The following SLC44A1 variants were observed in gnomAD, a reference collection of about 807,000 sequenced individuals.
The protein encoded by SLC44A1 is choline transporter-like protein 1.
In SLC44A1, 26 loss-of-function variants were observed where a neutral mutation model predicts 79.3. The ratio of observed to expected loss-of-function variants is 0.33; its 90% CI spans 0.24 to 0.46. The LOEUF (loss-of-function observed/expected upper bound fraction) is 0.46, where lower values mean the gene tolerates loss of function less well. SLC44A1 is among the 20% of genes least tolerant of loss of function. The probability of loss-of-function intolerance (pLI) is 1.00; values close to 1 mark genes in which losing one functional copy is unlikely to be tolerated. For synonymous variants in SLC44A1, 263 were observed against 286.2 expected (o/e 0.92, Z 0.82); for missense variants, 688 against 798.1 (o/e 0.86, Z 1.66).
intron 1 of SLC44A1, among the ~76,000 whole-genome samples, chr9:105,288,355 G>GT (rs1422339596): frequency 1.3e-5 from 2 of 151,612 alleles, no homozygotes; most frequent in Admixed American, 6.6e-5. Flanking sequence ...TTGTTTGTTT[G>GT]TTTTTTGTTT....
intron 15 of SLC44A1, among the ~76,000 whole-genome samples, chr9:105,416,204 CT>C (rs1829168665): frequency 6.6e-6 from 1 of 151,362 alleles, no homozygotes; most frequent in Admixed American, 6.6e-5. Flanking sequence ...GCCTACTGAA[CT>C]TTTTGACTAG....
intron 1 of SLC44A1, among the ~76,000 whole-genome samples, chr9:105,253,991 G>A (rs1829647221): frequency 6.6e-6 from 1 of 152,120 alleles, no homozygotes; most frequent in South Asian, 2.1e-4. Context: ...AAAGTGCTGG[G>A]ATTATAGGCG....
At chr9:105,246,734 A>G (rs1359620678) in intron 1 of SLC44A1, among the ~76,000 whole-genome samples, 3 of 152,188 alleles carry the variant, frequency 2.0e-5, no homozygotes. Context: ...TTAAGACAGA[A>G]AAGTATTGAT....
chr9:105,304,303 G>T (rs1830959230), intron 2 of SLC44A1, among the ~76,000 whole-genome samples: 1 of 152,134 alleles, frequency 6.6e-6, no homozygotes, highest in Admixed American at 6.5e-5. Flanking sequence ...GCTGTTCTTT[G>T]CTGGGATCAC....
chr9:105,375,863 C>T (rs1005498939), intron 13 of SLC44A1, among the ~76,000 whole-genome samples: 2 of 152,148 alleles, frequency 1.3e-5, no homozygotes, highest in Admixed American at 6.5e-5. Flanking sequence ...ACTACCACCA[C>T]TATAACTAAA....
At chr9:105,275,775 C>G (rs1269418283) in intron 1 of SLC44A1, among the ~76,000 whole-genome samples, 1 of 151,512 alleles carries the variant, frequency 6.6e-6, no homozygotes, top group African/African-American at 2.4e-5. Context: ...TTGGTGTGTT[C>G]AGATGTCTTG....
intron 15 of SLC44A1, among the ~76,000 whole-genome samples, chr9:105,406,236 TAC>T (rs776567799): frequency 2.6e-5 from 4 of 151,800 alleles, no homozygotes; most frequent in Non-Finnish European, 5.9e-5. Flanking sequence ...CACCAAAGAA[TAC>T]AGTCTCTACA....
chr9:105,334,441 T>G (rs965405207), intron 3 of SLC44A1, among the ~76,000 whole-genome samples: 1 of 152,190 alleles, frequency 6.6e-6, no homozygotes, highest in Non-Finnish European at 1.5e-5. Context: ...CTTTTCAGTT[T>G]GTTCTCCTAA....
In SLC44A1 at chr9:105,389,876, C is replaced by T. The variant is rs1238150991; in HGVS notation, c.*820C>T. ...AGCTGGGGCACCCAGCGAGTTTAGC[C>T]TTTAAGTTTCTGTGTATTGATTTGC... On this transcript the variant is annotated 3_prime_UTR_variant, in exon 16 of 16. Coordinates refer to ENST00000374720, the MANE Select transcript of SLC44A1 (RefSeq NM_080546.5). 3.3e-6 allele frequency: 5 copies of T among 1,504,564 alleles called. No individual in the cohort carries two copies. Among genetic ancestry groups the T allele is most frequent in the African/African-American group, 1.4e-5 (1 of 71,308 alleles). The allele number at this position is 1,504,564 out of a possible 1,614,324, so 93.2% of individuals were successfully genotyped here.
At chr9:105,289,706 A>G (rs1317275589) in intron 1 of SLC44A1, among the ~76,000 whole-genome samples, 6 of 152,232 alleles carry the variant, frequency 3.9e-5, no homozygotes, top group Non-Finnish European at 8.8e-5. Context: ...GATTTAGAAC[A>G]TAAATTTACC....
intron 1 of SLC44A1, among the ~76,000 whole-genome samples, chr9:105,249,656 C>G (rs1302311259): frequency 1.3e-5 from 2 of 150,980 alleles, no homozygotes; most frequent in African/African-American, 4.9e-5. Flanking sequence ...TCTCAAGTAG[C>G]TGGGATTACA....
chr9:105,422,422 G>A (rs563436973), intron 15 of SLC44A1, among the ~76,000 whole-genome samples: 25 of 151,492 alleles, frequency 1.7e-4, no homozygotes, highest in South Asian at 6.3e-4. Context: ...CTGAGTAGCT[G>A]GAACTACAGG....
intron 3 of SLC44A1, among the ~76,000 whole-genome samples, chr9:105,312,047 C>T (rs569643697): frequency 2.6e-5 from 4 of 152,272 alleles, no homozygotes; most frequent in African/African-American, 9.6e-5. Flanking sequence ...GCTAATACTT[C>T]AGCCTAACCT....
chr9:105,278,572 G>C (rs1173977015), intron 1 of SLC44A1, among the ~76,000 whole-genome samples: 1 of 151,924 alleles, frequency 6.6e-6, no homozygotes, highest in Non-Finnish European at 1.5e-5. Context: ...GTAGAGACTG[G>C]GTTTCACTAT....
In SLC44A1 at chr9:105,362,842, T is replaced by C. The variant is rs755092832; in HGVS notation, c.922T>C (p.Leu308=). 6.2e-7 allele frequency: 1 copy of C among 1,606,446 alleles called. No homozygotes were observed. The highest frequency in any genetic ancestry group is 2.2e-5 in the East Asian group (1 of 44,672). The change falls in exon 9 of 16, where the codon TTG becomes CTG. Residue 308 remains leucine (L), a synonymous_variant. Transcript: ENST00000374720. ...ACAGGTGATCTTATTCCTGATAATGTTGGTTATGCGCAAACGTGTTGCTCT... is the reference window on the plus strand; with the variant it reads ...ACAGGTGATCTTATTCCTGATAATGCTGGTTATGCGCAAACGTGTTGCTCT... ...VFTVILFLIM[L]VMRKRVALTI...
At chr9:105,402,656 A>G (rs1564053139) in intron 15 of SLC44A1, among the ~76,000 whole-genome samples, 1 of 141,414 alleles carries the variant, frequency 7.1e-6, no homozygotes, top group Non-Finnish European at 1.5e-5. Context: ...CACATAACAA[A>G]GGCGTGTGTC....
rs1828622909 is a variant in SLC44A1, at chr9:105,386,236, G to T, written c.1950+734G>T. The T allele has an allele frequency of 1.2e-5, 12 of 982,462 alleles. No individual in the cohort carries two copies. The South Asian group carries it at 4.2e-4, about 35-fold the overall frequency. 60.9% of individuals were successfully genotyped at this position (982,462 alleles called of 1,614,324 possible). On this transcript the variant is annotated intron_variant, in intron 15 of 15. Coordinates refer to ENST00000374720, the MANE Select transcript of SLC44A1 (RefSeq NM_080546.5). ...AATGAGTGTAAGAGAACCTTGAGCT[G>T]CTTTTCACATGGATATTGTCACTAT...
At chr9:105,296,681 A>G (rs1172672636) in intron 1 of SLC44A1, among the ~76,000 whole-genome samples, 2 of 152,228 alleles carry the variant, frequency 1.3e-5, no homozygotes, top group Non-Finnish European at 2.9e-5. Context: ...GTTTGGAAGC[A>G]GTTTTACTGT....
chr9:105,370,453 T>C (rs1250301871), intron 12 of SLC44A1, among the ~76,000 whole-genome samples: 1 of 152,178 alleles, frequency 6.6e-6, no homozygotes, highest in Non-Finnish European at 1.5e-5. Flanking sequence ...TTTCTGGACA[T>C]TCGACCCTCA....
Sources: allele counts gnomAD v4.1 joint callset (sites outside exome capture counted in the v4.1 genomes callset), GRCh38; gene constraint gnomAD v4.1.1; transcripts MANE v1.5; gene names NCBI Gene and HGNC (gene_info 2026-07-23, HGNC 2026-07-21).